The following POU6F2 variants were observed in gnomAD, a reference collection of about 807,000 sequenced individuals.
POU6F2 encodes POU class 6 homeobox 2.
Under a neutral mutation model 71.3 loss-of-function variants are expected in POU6F2, and 31 were observed. The ratio of observed to expected loss-of-function variants is 0.43; its 90% CI spans 0.33 to 0.59. POU6F2 has a LOEUF of 0.59. Among genes scored for constraint, POU6F2 ranks in the 20% least tolerant of loss-of-function variants. POU6F2 has a pLI of 0.04. For synonymous variants in POU6F2, 347 were observed against 355.7 expected (o/e 0.98, Z 0.27); for missense variants, 783 against 856.8 (o/e 0.91, Z 1.07).
intron 7 of POU6F2, among the ~76,000 whole-genome samples, chr7:39,434,796 C>G (rs1176269556): frequency 6.6e-6 from 1 of 152,164 alleles, no homozygotes; most frequent in Non-Finnish European, 1.5e-5. Flanking sequence ...ATCCCACCCC[C>G]TAACAGGCCC....
At chr7:39,408,761 G>A (rs1787489272) in intron 6 of POU6F2, among the ~76,000 whole-genome samples, 2 of 152,216 alleles carry the variant, frequency 1.3e-5, no homozygotes, top group Non-Finnish European at 2.9e-5. Context: ...CAGTTCAAGA[G>A]TTAAAATACT....
intron 1 of POU6F2, among the ~76,000 whole-genome samples, chr7:39,037,521 T>G (rs1489739896): frequency 6.6e-6 from 1 of 152,070 alleles, no homozygotes; most frequent in African/African-American, 2.4e-5. Context: ...TGTCTTAATT[T>G]TTTTTGAAAA....
chr7:39,434,236 A>T (rs74334503), intron 7 of POU6F2, among the ~76,000 whole-genome samples: 9,342 of 152,216 alleles, frequency 0.061, 393 homozygotes, highest in Non-Finnish European at 0.093. Flanking sequence ...AATGGGAAAG[A>T]GGATGGGGTG....
At chr7:39,268,566 G>T (rs1784289923) in intron 4 of POU6F2, among the ~76,000 whole-genome samples, 1 of 152,098 alleles carries the variant, frequency 6.6e-6, no homozygotes, top group Non-Finnish European at 1.5e-5. Flanking sequence ...TTGTCACTTT[G>T]TATTCCGTAG....
chr7:39,006,426 T>C (rs1199946419), intron 1 of POU6F2, among the ~76,000 whole-genome samples: 3 of 152,092 alleles, frequency 2.0e-5, no homozygotes, highest in African/African-American at 7.2e-5. Context: ...ATTGTGCCAC[T>C]GCATTCCAGC....
At chr7:39,177,769 G>A (rs2128740579) in intron 2 of POU6F2, among the ~76,000 whole-genome samples, 1 of 152,240 alleles carries the variant, frequency 6.6e-6, no homozygotes, top group East Asian at 1.9e-4. Context: ...CTCATAATCA[G>A]TTCTACTTTT....
At chr7:39,367,580 A>G (rs1377173583) in intron 5 of POU6F2, among the ~76,000 whole-genome samples, 2 of 152,242 alleles carry the variant, frequency 1.3e-5, no homozygotes, top group African/African-American at 4.8e-5. Flanking sequence ...TATCATAGTA[A>G]TAAAAATCTT....
chr7:39,271,573 G>A (rs1027743925), intron 4 of POU6F2, among the ~76,000 whole-genome samples: 3 of 151,254 alleles, frequency 2.0e-5, no homozygotes, highest in Non-Finnish European at 4.4e-5. Flanking sequence ...GGGCCTGGCC[G>A]TTTGCCAGCA....
chr7:39,008,426 T>C (rs1212689978), intron 1 of POU6F2, among the ~76,000 whole-genome samples: 1 of 151,984 alleles, frequency 6.6e-6, no homozygotes, highest in Admixed American at 6.6e-5. Context: ...ATATTTGCCC[T>C]TTGTCAGATG....
chr7:39,284,545 A>C (rs1784619437), intron 4 of POU6F2, among the ~76,000 whole-genome samples: 1 of 152,238 alleles, frequency 6.6e-6, no homozygotes, highest in South Asian at 2.1e-4. Context: ...AAATATACTG[A>C]CATACTTGGT....
chr7:39,223,073 T>C (rs1345664714), intron 4 of POU6F2, among the ~76,000 whole-genome samples: 2 of 152,194 alleles, frequency 1.3e-5, no homozygotes, highest in Non-Finnish European at 2.9e-5. Context: ...TGAAGTTTTT[T>C]GGTTTGTTTT....
At chr7:39,305,490 G>C (rs1785031341) in intron 4 of POU6F2, among the ~76,000 whole-genome samples, 1 of 152,202 alleles carries the variant, frequency 6.6e-6, no homozygotes, top group Non-Finnish European at 1.5e-5. Flanking sequence ...AAGACCAAGA[G>C]GAGTTAGCCT....
intron 1 of POU6F2, among the ~76,000 whole-genome samples, chr7:39,019,879 C>A (rs368530417): frequency 2.0e-5 from 3 of 152,080 alleles, no homozygotes; most frequent in Non-Finnish European, 4.4e-5. Flanking sequence ...TTTCTGTTTT[C>A]TCCAGCATCA....
chr7:39,079,722 T>A lies in POU6F2; in HGVS notation c.106-6138T>A, dbSNP rs1331196477. 3.3e-5 allele frequency among the ~76,000 whole-genome samples: 5 copies of A among 152,272 alleles called. No homozygotes were observed. In the South Asian group the frequency reaches 8.3e-4, roughly 25 times the overall value. ...TAAAGAAAATTTCAGCCACACTAAC[T>A]GCAAAATGGAGAGACACAGAGAAAG... On this transcript the variant is annotated intron_variant, in intron 1 of 9. Transcript: ENST00000518318.
chr7:39,303,628 C>T (rs958051796), intron 4 of POU6F2, among the ~76,000 whole-genome samples: 3 of 152,136 alleles, frequency 2.0e-5, no homozygotes, highest in African/African-American at 7.2e-5. Context: ...GCTCTGGAGG[C>T]TAGGCTCACT....
intron 6 of POU6F2, among the ~76,000 whole-genome samples, chr7:39,415,093 G>A (rs575111467): frequency 6.6e-6 from 1 of 151,876 alleles, no homozygotes; most frequent in African/African-American, 2.4e-5. Context: ...GCATAATCTC[G>A]GCTCACTGCA....
At chr7:39,462,366 G>T (rs1347222226) in intron 9 of POU6F2, among the ~76,000 whole-genome samples, 2 of 152,122 alleles carry the variant, frequency 1.3e-5, no homozygotes, top group African/African-American at 4.8e-5. Flanking sequence ...TCTTATATTG[G>T]AACAATTTAA....
At chr7:39,335,729 A>G (rs1196620275) in intron 4 of POU6F2, among the ~76,000 whole-genome samples, 1 of 152,244 alleles carries the variant, frequency 6.6e-6, no homozygotes, top group Non-Finnish European at 1.5e-5. Flanking sequence ...CAAACTGTGA[A>G]GCACTGTCTT....
At chr7:39,218,411 T>C (rs1001209788) in intron 4 of POU6F2, among the ~76,000 whole-genome samples, 2 of 152,094 alleles carry the variant, frequency 1.3e-5, no homozygotes, top group African/African-American at 4.8e-5. Context: ...GCCCACTGTT[T>C]AGAGAATGGA....
Sources: allele counts gnomAD v4.1 joint callset (sites outside exome capture counted in the v4.1 genomes callset), GRCh38; gene constraint gnomAD v4.1.1; transcripts MANE v1.5; gene names NCBI Gene and HGNC (gene_info 2026-07-23, HGNC 2026-07-21).